RRM2: variants seen among roughly 807,000 people sequenced by gnomAD.
RRM2 encodes the protein ribonucleotide reductase regulatory subunit M2, also known as ribonucleoside-diphosphate reductase subunit M2.
RRM2 carries 6 observed loss-of-function variants against 45.9 expected under a neutral mutation model. That is an observed-to-expected ratio of 0.13 (90% CI 0.07 to 0.26). The LOEUF (loss-of-function observed/expected upper bound fraction) is 0.26, where lower values mean the gene tolerates loss of function less well. Among genes scored for constraint, RRM2 ranks in the 10% least tolerant of loss-of-function variants. The pLI, the probability that RRM2 is intolerant of heterozygous loss-of-function variation, is 1.00. For missense variants in RRM2, 343 were observed against 489.5 expected, an observed-to-expected ratio of 0.70 and a Z score of 2.82; for synonymous variants, 177 against 173.0, an observed-to-expected ratio of 1.02 and a Z score of -0.18.
At chr2:10,190,820 GATA>G (rs1664287815) in intron 3 of RRM2, among the ~76,000 whole-genome samples, 1 of 151,574 alleles carries the variant, frequency 6.6e-6, no homozygotes, top group African/African-American at 2.4e-5. Flanking sequence ...TGAGTGTGAT[GATA>G]ATGGTGGTGA....
At chr2:10,125,369 T>TG (rs1015233612) in intron 5 of RRM2, among the ~76,000 whole-genome samples, 1 of 151,760 alleles carries the variant, frequency 6.6e-6, no homozygotes, top group Non-Finnish European at 1.5e-5. Flanking sequence ...AGATTGGAGG[T>TG]GGGGGGATTA....
chr2:10,196,347 C>T (rs576073955), intron 3 of RRM2, among the ~76,000 whole-genome samples: 1 of 152,316 alleles, frequency 6.6e-6, no homozygotes, highest in South Asian at 2.1e-4. Flanking sequence ...CCTTCCATGG[C>T]TCCTTGGAAA....
At chr2:10,200,114 T>G (rs1203122258) in intron 3 of RRM2, among the ~76,000 whole-genome samples, 1 of 152,178 alleles carries the variant, frequency 6.6e-6, no homozygotes, top group Non-Finnish European at 1.5e-5. Context: ...ATTACAGAAG[T>G]GAACCACCGC....
chr2:10,177,708 T>TTC (rs1198315480), intron 3 of RRM2, among the ~76,000 whole-genome samples: 3,748 of 144,438 alleles, frequency 0.026, 155 homozygotes, highest in African/African-American at 0.092. Flanking sequence ...CCTTCCTTCC[T>TTC]CTCTCCCTCC....
chr2:10,196,293 G>A (rs1187111790), intron 3 of RRM2, among the ~76,000 whole-genome samples: 2 of 152,292 alleles, frequency 1.3e-5, no homozygotes, highest in Non-Finnish European at 2.9e-5. Context: ...GCAGGCCCAC[G>A]GCTCAGCAGC....
At chr2:10,173,335 C>T (rs1336486362) in intron 3 of RRM2, among the ~76,000 whole-genome samples, 2 of 152,160 alleles carry the variant, frequency 1.3e-5, no homozygotes, top group Admixed American at 1.3e-4. Context: ...CCCCTTTCTC[C>T]CCCAATGGCA....
At chr2:10,135,991 T>TAC (rs1212929873), downstream of RRM2, among the ~76,000 whole-genome samples, 2 of 152,152 alleles carry the variant, frequency 1.3e-5, no homozygotes. Context: ...CCTCTGGCCC[T>TAC]ACACACAGTC....
rs974883380 is a variant in RRM2, at chr2:10,125,505, A to G, written c.569+655A>G. 2.6e-5 allele frequency among the ~76,000 whole-genome samples: 4 copies of G among 152,178 alleles called. No individual in the cohort carries two copies. The East Asian group carries it at 7.7e-4, about 29-fold the overall frequency. Reference sequence around the variant, plus strand: ...CGGACAATGAGGTCAGGAGATCGAGACCATCCTGGCTAACACGGTGAAACC... The same window carrying G: ...CGGACAATGAGGTCAGGAGATCGAGGCCATCCTGGCTAACACGGTGAAACC... On this transcript the variant is annotated intron_variant, in intron 5 of 9. Transcript: ENST00000304567.
chr2:10,175,848 C>T (rs1218865096), intron 3 of RRM2, among the ~76,000 whole-genome samples: 1 of 152,080 alleles, frequency 6.6e-6, no homozygotes, highest in East Asian at 1.9e-4. Context: ...TCAAGTGATC[C>T]ACCTGCCTCA....
At chr2:10,131,856 G>A (rs1484132884), downstream of RRM2, among the ~76,000 whole-genome samples, 1 of 152,244 alleles carries the variant, frequency 6.6e-6, no homozygotes, top group Non-Finnish European at 1.5e-5. Context: ...ACACCCGAAA[G>A]GTGGTGCCCA....
upstream of RRM2, among the ~76,000 whole-genome samples, chr2:10,137,682 AAGCAGT>A (rs2125310770): frequency 6.6e-6 from 1 of 152,324 alleles, no homozygotes; most frequent in South Asian, 2.1e-4. Context: ...GGTGAGTGGG[AAGCAGT>A]AGCTTCCCTT....
Position 10,169,999 on chromosome 2 carries a change from GGCCACGGGAGCAGCTGAT to G in RRM2, n.482+27628_482+27645del, listed in dbSNP as rs1390218081. ...CAGATTCTGGTACCCGAGTGAGCTA[GGCCACGGGAGCAGCTGAT>G]GCCCCTGCTGTCCCTGAAGGCAGCA... On this transcript the variant is annotated intron_variant and non_coding_transcript_variant, in intron 3 of 3. Coordinates refer to the RRM2 transcript ENST00000381786. This position sits in a 1 kb window ranked among gnomAD's most constrained non-coding sequence, Gnocchi z 5.1. Among the ~76,000 whole-genome samples, 1 of 152,192 alleles carries G rather than the reference GGCCACGGGAGCAGCTGAT, an allele frequency of 6.6e-6. No homozygotes were observed. Among genetic ancestry groups the G allele is most frequent in the Non-Finnish European group, 1.5e-5 (1 of 68,026 alleles).
intron 3 of RRM2, among the ~76,000 whole-genome samples, chr2:10,180,769 A>T (rs1002407643): frequency 2.6e-5 from 4 of 151,672 alleles, no homozygotes; most frequent in African/African-American, 4.8e-5. Context: ...TTATTTATTT[A>T]TTTATTTTTT....
At position 10,144,472 on chromosome 2, in the gene RRM2, A is replaced by C. The variant is rs1243750143; in HGVS notation, n.482+2097A>C. On this transcript the variant is annotated intron_variant and non_coding_transcript_variant, in intron 3 of 3. Transcript: ENST00000381786. The stretch of plus-strand genomic sequence containing the variant: ...ATTTCTGGGGCCTCGGGGCTGTAGC[A>C]CCAGCTGCAGACAGCTGCCTGCCTT... Among the ~76,000 whole-genome samples, 3 of 152,300 alleles carry C rather than the reference A, an allele frequency of 2.0e-5. No homozygotes were observed. In the East Asian group the frequency reaches 5.8e-4, roughly 29 times the overall value.
In RRM2 at chr2:10,195,132, G is replaced by T; in HGVS notation, n.483-15179G>T. Among the ~76,000 whole-genome samples the T allele has an allele frequency of 6.6e-6, 1 of 152,302 alleles. No individual in the cohort carries two copies. Among genetic ancestry groups the T allele is most frequent in the Non-Finnish European group, 1.5e-5 (1 of 68,026 alleles). On this transcript the variant is annotated intron_variant and non_coding_transcript_variant, in intron 3 of 3. Transcript: ENST00000381786. The surrounding 1 kb of genome is among the most constrained non-coding windows in gnomAD (Gnocchi z 4.9). ...ACTTAGCAGGGTGGTGAGGGCCACA[G>T]GTGTGGTCTGAGCTCCTGGGGAGCT... is the stretch of plus-strand genomic sequence containing the variant.
intron 4 of RRM2, chr2:10,124,101 G>C: frequency 2.4e-6 from 1 of 418,744 alleles, no homozygotes; most frequent in Non-Finnish European, 4.1e-6. Context: ...CACCACATCT[G>C]CCCCCTCTTT....
chr2:10,122,629 T>G (rs1300179464), upstream of RRM2: 2 of 1,536,380 alleles, frequency 1.3e-6, no homozygotes, highest in African/African-American at 1.4e-5. Context: ...ATGGGAAGGG[T>G]CGGAGGCATG....
In RRM2 at chr2:10,171,005, G is replaced by T. The variant is rs895331227; in HGVS notation, n.482+28630G>T. 1.3e-5 allele frequency among the ~76,000 whole-genome samples: 2 copies of T among 152,208 alleles called. No individual in the cohort carries two copies. Among genetic ancestry groups the T allele is most frequent in the Non-Finnish European group, 2.9e-5 (2 of 68,048 alleles). ...GGGGCTGCAAGCTCCTTTGAGATGC[G>T]GGGCTCAGGCCTCATCAGGGGAAAC... On this transcript the variant is annotated intron_variant and non_coding_transcript_variant, in intron 3 of 3. Transcript: ENST00000381786. This position sits in a 1 kb window ranked among gnomAD's most constrained non-coding sequence, Gnocchi z 4.1.
intron 3 of RRM2, 34 bp from the exon 4 acceptor site, chr2:10,123,699 TTCC>T (rs1343774754): frequency 1.4e-6 from 2 of 1,448,972 alleles, no homozygotes; most frequent in Non-Finnish European, 1.9e-6. Context: ...CTTTACTCTC[TTCC>T]TTTTATGCTA....
Sources: allele counts gnomAD v4.1 joint callset (sites outside exome capture counted in the v4.1 genomes callset), GRCh38; gene constraint gnomAD v4.1.1; non-coding constraint Gnocchi (gnomAD v3.1); transcripts MANE v1.5; gene names NCBI Gene and HGNC (gene_info 2026-07-23, HGNC 2026-07-21).